Variants in BLVRA observed in about 807,000 individuals in gnomAD.
BLVRA encodes the protein biliverdin reductase A.
In BLVRA, 22 loss-of-function variants were observed where a neutral mutation model predicts 32.8. That is an observed-to-expected ratio of 0.67 (90% CI 0.48 to 0.96). The LOEUF is 0.96. Among genes scored for constraint, BLVRA ranks in the 40% least tolerant of loss-of-function variants. The pLI is 0.00. For synonymous variants in BLVRA, 119 were observed against 141.3 expected (o/e 0.84, Z 1.12); for missense variants, 323 against 358.1 (o/e 0.90, Z 0.79).
chr7:43,806,838 C>T, intron 7 of BLVRA, 139 bp from the exon 8 acceptor site: 1 of 913,574 alleles, frequency 1.1e-6, no homozygotes, highest in Admixed American at 2.0e-5. Flanking sequence ...CAGTCACCCA[C>T]AGCCTCTGGG....
At chr7:43,759,616 A>G (rs950354702) in intron 1 of BLVRA, among the ~76,000 whole-genome samples, 1 of 152,240 alleles carries the variant, frequency 6.6e-6, no homozygotes, top group Admixed American at 6.5e-5. Context: ...ATAGCTTACA[A>G]TAGGGTTTTC....
intron 6 of BLVRA, among the ~76,000 whole-genome samples, chr7:43,801,249 G>C (rs867217725): frequency 6.6e-6 from 1 of 152,270 alleles, no homozygotes; most frequent in Middle Eastern, 3.4e-3. Flanking sequence ...CACCTGTCTT[G>C]GCCTCCAAAG....
intron 1 of BLVRA, among the ~76,000 whole-genome samples, chr7:43,761,115 C>T (rs1290788793): frequency 6.6e-6 from 1 of 152,172 alleles, no homozygotes; most frequent in Non-Finnish European, 1.5e-5. Flanking sequence ...ATTACATGAG[C>T]TGCTAGATCT....
chr7:43,801,812 A>G (rs907264389), intron 6 of BLVRA, among the ~76,000 whole-genome samples: 7 of 152,072 alleles, frequency 4.6e-5, no homozygotes, highest in South Asian at 2.1e-4. Flanking sequence ...AGTGGCTGGA[A>G]CTGTTGTGGG....
intron 2 of BLVRA, among the ~76,000 whole-genome samples, chr7:43,782,253 A>G (rs849162): frequency 0.83 from 125,763 of 152,158 alleles, 52,410 homozygotes; most frequent in African/African-American, 0.94. Context: ...AAGTGTAGAG[A>G]AAGGAAATCA....
At chr7:43,777,996 G>A (rs559272185) in intron 2 of BLVRA, among the ~76,000 whole-genome samples, 1 of 152,278 alleles carries the variant, frequency 6.6e-6, no homozygotes, top group African/African-American at 2.4e-5. Context: ...AGCTCCATCA[G>A]CTCCTTTAAG....
At chr7:43,804,294 T>C (rs934774964) in intron 7 of BLVRA, among the ~76,000 whole-genome samples, 2 of 152,116 alleles carry the variant, frequency 1.3e-5, no homozygotes, top group East Asian at 3.9e-4. Context: ...ATGCAAAAAT[T>C]AGCCGGTGTG....
At chr7:43,805,983 G>A (rs2095803674) in intron 7 of BLVRA, among the ~76,000 whole-genome samples, 2 of 152,218 alleles carry the variant, frequency 1.3e-5, no homozygotes, top group African/African-American at 2.4e-5. Context: ...TTGACATTCT[G>A]CATTCCCTCA....
intron 2 of BLVRA, among the ~76,000 whole-genome samples, chr7:43,781,813 G>A (rs1299303177): frequency 6.6e-6 from 1 of 152,196 alleles, no homozygotes; most frequent in African/African-American, 2.4e-5. Context: ...TTTTGTAGAT[G>A]AGGAAAATGA....
intron 5 of BLVRA, among the ~76,000 whole-genome samples, chr7:43,793,334 T>C (rs2132582655): frequency 6.6e-6 from 1 of 151,992 alleles, no homozygotes. Context: ...CTCTAGATGC[T>C]GTATAGAAAA....
At chr7:43,804,721 AC>A (rs1051138691) in intron 7 of BLVRA, among the ~76,000 whole-genome samples, 1 of 152,124 alleles carries the variant, frequency 6.6e-6, no homozygotes. Context: ...TATTTCTCAT[AC>A]CAGGTCTTTT....
intron 1 of BLVRA, 142 bp from the exon 2 acceptor site, chr7:43,770,996 C>T (rs539629701): frequency 6.7e-6 from 5 of 747,332 alleles, no homozygotes; most frequent in Admixed American, 6.1e-5. Context: ...AGCTGGAAGG[C>T]ACAGGTGGTG....
rs2095804616 is a variant in BLVRA, at chr7:43,806,967, G to A, written c.633-10G>A. ...CTCTAACATGATTCTTTTGTCTTTT[G>A]TCTTTGCAGTCCACTGTCATGGATT... On this transcript the variant is annotated splice_polypyrimidine_tract_variant and intron_variant, in intron 7 of 7. Transcript: ENST00000265523. The A allele has an allele frequency of 7.4e-6, 12 of 1,613,560 alleles. No individual in the cohort carries two copies. The highest frequency in any genetic ancestry group is 1.0e-5 in the Non-Finnish European group (12 of 1,179,982).
At chr7:43,783,454 T>C (rs1450794593) in intron 2 of BLVRA, among the ~76,000 whole-genome samples, 1 of 152,258 alleles carries the variant, frequency 6.6e-6, no homozygotes, top group Non-Finnish European at 1.5e-5. Flanking sequence ...TGGAGACCAG[T>C]CCCTTTCAAT....
chr7:43,793,768 C>T (rs1488146101), intron 5 of BLVRA, among the ~76,000 whole-genome samples: 4 of 151,728 alleles, frequency 2.6e-5, no homozygotes, highest in Admixed American at 6.6e-5. Context: ...GGATTACAGG[C>T]GCCCACCACC....
intron 2 of BLVRA, among the ~76,000 whole-genome samples, chr7:43,773,607 A>C (rs929456982): frequency 6.6e-6 from 1 of 152,178 alleles, no homozygotes; most frequent in Non-Finnish European, 1.5e-5. Flanking sequence ...ATACGTGTGC[A>C]TGTGTCTTTA....
intron 1 of BLVRA, among the ~76,000 whole-genome samples, chr7:43,766,952 A>C (rs893708436): frequency 6.6e-6 from 1 of 152,176 alleles, no homozygotes; most frequent in African/African-American, 2.4e-5. Context: ...AGCTGTGATC[A>C]TGCGTGCCAC....
intron 6 of BLVRA, among the ~76,000 whole-genome samples, chr7:43,802,660 G>T (rs140883300): frequency 1.3e-5 from 2 of 152,072 alleles, no homozygotes; most frequent in African/African-American, 4.8e-5. Flanking sequence ...CACGACACCC[G>T]CCTAATTTTG....
chr7:43,766,694 G>A (rs146456828), intron 1 of BLVRA, among the ~76,000 whole-genome samples: 12 of 152,048 alleles, frequency 7.9e-5, no homozygotes, highest in South Asian at 2.1e-4. Flanking sequence ...GCATCTTATC[G>A]TAAGGGGGAG....
Sources: allele counts gnomAD v4.1 joint callset (sites outside exome capture counted in the v4.1 genomes callset), GRCh38; gene constraint gnomAD v4.1.1; transcripts MANE v1.5; gene names NCBI Gene and HGNC (gene_info 2026-07-23, HGNC 2026-07-21).